The following GPHN variants were observed in gnomAD, a reference collection of about 807,000 sequenced individuals.
The protein encoded by GPHN is gephyrin.
A neutral mutation model predicts 95.5 loss-of-function variants in GPHN; 17 were observed. That is an observed-to-expected ratio of 0.18 (90% confidence interval 0.12 to 0.27). The LOEUF is 0.27. Ranked by LOEUF, GPHN falls within the 10% of genes least tolerant of loss-of-function variation. The probability of loss-of-function intolerance (pLI) is 1.00; values close to 1 mark genes in which losing one functional copy is unlikely to be tolerated. For synonymous variants in GPHN, 320 were observed against 322.5 expected (o/e 0.99, Z 0.08); for missense variants, 660 against 978.1 (o/e 0.67, Z 4.34).
chr14:66,658,223 A>G (rs903221728), intron 1 of GPHN, among the ~76,000 whole-genome samples: 1 of 152,188 alleles, frequency 6.6e-6, no homozygotes, highest in Non-Finnish European at 1.5e-5. Flanking sequence ...AATTTCTGCA[A>G]TCTCATGATA....
intron 16 of GPHN, among the ~76,000 whole-genome samples, chr14:67,114,273 T>C (rs2078546882): frequency 6.6e-6 from 1 of 152,190 alleles, no homozygotes. Flanking sequence ...CAAATAACAC[T>C]ATATATAGCA....
chr14:66,924,414 T>C (rs1325079710), intron 8 of GPHN, 122 bp downstream of exon 8: 8 of 712,772 alleles, frequency 1.1e-5, no homozygotes, highest in Non-Finnish European at 1.8e-5. Flanking sequence ...TCAGCCTTGC[T>C]TTCTTGTGAA....
At chr14:67,411,633 CAT>C in the GPHN span, among the ~76,000 whole-genome samples, 1 of 152,212 alleles carries the variant, frequency 6.6e-6, no homozygotes, top group South Asian at 2.1e-4. Flanking sequence ...GCTTAAGACA[CAT>C]AGTAGCATTC....
chr14:67,003,817 T>G (rs572818853), intron 9 of GPHN, among the ~76,000 whole-genome samples: 2 of 151,834 alleles, frequency 1.3e-5, no homozygotes, highest in South Asian at 4.1e-4. Flanking sequence ...GTGCTACTTA[T>G]TAAATACCCT....
chr14:67,132,147 T>C (rs2079758354), intron 17 of GPHN, among the ~76,000 whole-genome samples: 1 of 152,214 alleles, frequency 6.6e-6, no homozygotes, highest in Admixed American at 6.5e-5. Flanking sequence ...GGACAAATAC[T>C]GAGATAGAAA....
At chr14:67,523,144 G>A in the GPHN span, among the ~76,000 whole-genome samples, 2 of 152,088 alleles carry the variant, frequency 1.3e-5, no homozygotes, top group African/African-American at 4.8e-5. Flanking sequence ...CCAACATGGT[G>A]AAACCCTGTC....
intron 9 of GPHN, among the ~76,000 whole-genome samples, chr14:67,011,520 G>A (rs1289853440): frequency 1.4e-5 from 2 of 140,244 alleles, no homozygotes; most frequent in African/African-American, 5.6e-5. Flanking sequence ...GCTGCAATGA[G>A]CTATGATGGT....
chr14:66,670,018 C>A (rs1399898461), intron 1 of GPHN, among the ~76,000 whole-genome samples: 2 of 152,116 alleles, frequency 1.3e-5, no homozygotes, highest in Non-Finnish European at 2.9e-5. Context: ...TTTAATAAAA[C>A]CTGAACATTT....
the GPHN span, among the ~76,000 whole-genome samples, chr14:67,686,517 T>C: frequency 6.6e-6 from 1 of 151,774 alleles, no homozygotes; most frequent in Non-Finnish European, 1.5e-5. Context: ...CGTGCACCTG[T>C]AATCCCAGCT....
intron 9 of GPHN, among the ~76,000 whole-genome samples, chr14:66,972,087 G>T (rs1269521169): frequency 6.6e-6 from 1 of 151,698 alleles, no homozygotes; most frequent in Admixed American, 6.6e-5. Context: ...GGCCAACATG[G>T]TAAAACCCTG....
intron 1 of GPHN, among the ~76,000 whole-genome samples, chr14:66,599,518 A>T (rs1164667305): frequency 6.6e-6 from 1 of 151,168 alleles, no homozygotes; most frequent in African/African-American, 2.4e-5. Context: ...GAAAACATTA[A>T]GTTGTCTGCT....
rs148510664 is a variant in GPHN, at chr14:67,119,979, C to T, written c.1627-2277C>T. On this transcript the variant is annotated intron_variant, in intron 16 of 22. Transcript: ENST00000478722. ...CCCCCGTCTCTACTAAAAATGCAAACATTAGCCAGGCATGGTAGTGTGCGC... is the reference window on the plus strand; with the variant it reads ...CCCCCGTCTCTACTAAAAATGCAAATATTAGCCAGGCATGGTAGTGTGCGC... 2.5e-3 allele frequency among the ~76,000 whole-genome samples: 386 copies of T among 151,964 alleles called. 3 individuals carry two copies. Among genetic ancestry groups the T allele is most frequent in the Middle Eastern group, 6.8e-3 (2 of 294 alleles).
At chr14:66,996,077 C>A in intron 9 of GPHN, 2 of 750,380 alleles carry the variant, frequency 2.7e-6, no homozygotes, top group Admixed American at 2.1e-5. Context: ...TATTATCTGG[C>A]CAAGTGTGTT....
At chr14:66,629,593 T>G (rs950634537) in intron 1 of GPHN, among the ~76,000 whole-genome samples, 1 of 152,174 alleles carries the variant, frequency 6.6e-6, no homozygotes, top group African/African-American at 2.4e-5. Context: ...CATAATCATT[T>G]ATTATCATTA....
chr14:66,827,329 A>G lies in GPHN; in HGVS notation c.294+2763A>G, dbSNP rs563472412. On this transcript the variant is annotated intron_variant, in intron 4 of 22. Coordinates refer to ENST00000478722, the MANE Select transcript of GPHN (RefSeq NM_020806.5). The stretch of plus-strand genomic sequence containing the variant: ...AGGGGGGTGCAGAGGTTTGTTAGGA[A>G]TAACAAAAGGCACTCTGTACTGCTA... Among the ~76,000 whole-genome samples, 5 of 152,062 alleles carry G rather than the reference A, an allele frequency of 3.3e-5. No individual in the cohort carries two copies. The East Asian group carries it at 9.7e-4, about 29-fold the overall frequency.
the GPHN span, chr14:67,392,221 T>G: frequency 4.2e-3 from 3,330 of 790,562 alleles, 121 homozygotes; most frequent in Admixed American, 0.058. Context: ...TTGCTGTAAT[T>G]GGTGCCCTCC....
At chr14:67,324,306 A>T in the GPHN span, among the ~76,000 whole-genome samples, 1 of 152,228 alleles carries the variant, frequency 6.6e-6, no homozygotes, top group African/African-American at 2.4e-5. Context: ...TGTCATATTA[A>T]ACATTAATAA....
the GPHN span, chr14:67,380,611 C>G: frequency 9.6e-7 from 1 of 1,041,176 alleles, no homozygotes; most frequent in Non-Finnish European, 1.4e-6. Flanking sequence ...TCACATTTAT[C>G]AGTAATATAA....
At chr14:67,458,730 G>C in the GPHN span, among the ~76,000 whole-genome samples, 1 of 152,016 alleles carries the variant, frequency 6.6e-6, no homozygotes, top group Non-Finnish European at 1.5e-5. Flanking sequence ...CTTATTTTTT[G>C]GTTTGGTTTG....
Sources: gnomAD v4.1 joint callset for allele counts (sites outside exome capture counted in the v4.1 genomes callset) on GRCh38, gnomAD v4.1.1 for gene constraint, MANE v1.5 for transcripts, NCBI Gene and HGNC (gene_info 2026-07-23, HGNC 2026-07-21) for gene names.